NPAS3: variants seen among roughly 807,000 people sequenced by gnomAD.
The protein encoded by NPAS3 is neuronal PAS domain protein 3.
NPAS3 carries 14 observed loss-of-function variants against 73.1 expected under a neutral mutation model. The observed-to-expected ratio is 0.19, with a 90% CI of 0.13 to 0.30. NPAS3 has a LOEUF of 0.30. Among genes scored for constraint, NPAS3 ranks in the 10% least tolerant of loss-of-function variants. NPAS3 has a pLI of 1.00. For synonymous variants in NPAS3, 620 were observed against 541.5 expected (o/e 1.14, Z -2.01); for missense variants, 1,096 against 1,250.0 (o/e 0.88, Z 1.86).
At position 33,676,368 on chromosome 14, in the gene NPAS3, C is replaced by T. The variant is rs765480547; in HGVS notation, c.716C>T (p.Ser239Leu). Residue 239 changes from serine (S) to leucine (L), a missense_variant, in exon 6 of 12, where the codon TCG becomes TTG. Ser to Leu is a moderately radical substitution (Grantham distance 145). This residue lies in a region of NPAS3 where 215 missense variants were observed against 260.0 expected (regional missense o/e 0.83). Transcript: ENST00000356141. ...AGCTCAGCATCTTCCTCCTCTCAGT[C>T]GGAGACCCCCGAGCCAGGTGGGAAT... 4.4e-6 allele frequency: 7 copies of T among 1,579,440 alleles called. No homozygotes were observed. The highest frequency in any genetic ancestry group is 6.0e-6 in the Non-Finnish European group (7 of 1,166,642).
chr14:33,565,944 C>A (rs2055907747), intron 5 of NPAS3, among the ~76,000 whole-genome samples: 1 of 151,910 alleles, frequency 6.6e-6, no homozygotes, highest in East Asian at 1.9e-4. Context: ...GTGACCACCC[C>A]CCTGCCACCC....
intron 3 of NPAS3, among the ~76,000 whole-genome samples, chr14:33,332,040 C>T (rs79266550): frequency 0.014 from 2,140 of 152,228 alleles, 32 homozygotes; most frequent in African/African-American, 0.033. Flanking sequence ...TTTTAGCCTA[C>T]GTTTTTTAGA....
chr14:33,533,500 T>C (rs569728890), intron 4 of NPAS3, among the ~76,000 whole-genome samples: 56 of 152,310 alleles, frequency 3.7e-4, no homozygotes, highest in Non-Finnish European at 7.4e-4. Context: ...GAAACTGACA[T>C]TCCTGTTTGC....
intron 5 of NPAS3, among the ~76,000 whole-genome samples, chr14:33,651,195 C>T (rs998208732): frequency 2.0e-5 from 3 of 152,198 alleles, no homozygotes; most frequent in Non-Finnish European, 4.4e-5. Context: ...CATGCAGTGC[C>T]ATCTTCCTTT....
intron 6 of NPAS3, among the ~76,000 whole-genome samples, chr14:33,678,669 G>C (rs2059840282): frequency 6.6e-6 from 1 of 151,612 alleles, no homozygotes. Context: ...GGTTAAATTT[G>C]GTCTTCTTGG....
chr14:33,495,046 T>C (rs959306858), intron 4 of NPAS3, among the ~76,000 whole-genome samples: 2 of 152,160 alleles, frequency 1.3e-5, no homozygotes, highest in Non-Finnish European at 2.9e-5. Context: ...CTTGCTTCTC[T>C]AGTTCTTTTC....
At chr14:33,726,524 T>TC (rs1255074317) in intron 6 of NPAS3, among the ~76,000 whole-genome samples, 3 of 152,098 alleles carry the variant, frequency 2.0e-5, no homozygotes, top group African/African-American at 7.2e-5. Flanking sequence ...CATGACTTGG[T>TC]CTCCTCTGAG....
chr14:33,474,616 T>A (rs1341277614), intron 4 of NPAS3, among the ~76,000 whole-genome samples: 2 of 152,108 alleles, frequency 1.3e-5, no homozygotes, highest in Non-Finnish European at 2.9e-5. Context: ...TAAAGTTACT[T>A]GTAGAGAGAG....
At chr14:33,784,741 A>ATTTATTTTTATT (rs2063100124) in intron 9 of NPAS3, among the ~76,000 whole-genome samples, 1 of 72,768 alleles carries the variant, frequency 1.4e-5, no homozygotes, top group African/African-American at 6.9e-5. Context: ...TTATTTATTT[A>ATTTATTTTTATT]TTTATTTTTT....
At chr14:33,502,745 C>T in intron 4 of NPAS3, among the ~76,000 whole-genome samples, 1 of 151,962 alleles carries the variant, frequency 6.6e-6, no homozygotes, top group Middle Eastern at 3.2e-3. Context: ...CTAAAACCTT[C>T]TCCTAGTTTC....
intron 6 of NPAS3, 75 bp downstream of exon 6, chr14:33,676,460 T>C (rs2059770272): frequency 1.6e-6 from 2 of 1,288,594 alleles, no homozygotes; most frequent in Non-Finnish European, 2.1e-6. Flanking sequence ...GTTACCCATG[T>C]GAAGAGACTA....
chr14:33,068,480 A>G (rs529621972), intron 2 of NPAS3, among the ~76,000 whole-genome samples: 1 of 152,298 alleles, frequency 6.6e-6, no homozygotes, highest in South Asian at 2.1e-4. Flanking sequence ...ATAACCAGGA[A>G]CTATTGATTG....
intron 4 of NPAS3, among the ~76,000 whole-genome samples, chr14:33,523,078 A>G (rs1411669048): frequency 6.6e-6 from 1 of 152,184 alleles, no homozygotes; most frequent in Non-Finnish European, 1.5e-5. Context: ...AGATAGTTAG[A>G]CAAATACTGT....
chr14:33,250,827 C>G (rs1272959343), intron 3 of NPAS3, among the ~76,000 whole-genome samples: 2 of 151,902 alleles, frequency 1.3e-5, no homozygotes, highest in Non-Finnish European at 2.9e-5. Flanking sequence ...TTTTTCCTCT[C>G]CAAAAATTCA....
intron 4 of NPAS3, among the ~76,000 whole-genome samples, chr14:33,446,150 G>C (rs1051411435): frequency 6.7e-6 from 1 of 149,452 alleles, no homozygotes; most frequent in Non-Finnish European, 1.5e-5. Flanking sequence ...TCTTCTCTAG[G>C]GACACTTCAT....
chr14:33,256,122 T>C (rs1050898766), intron 3 of NPAS3, among the ~76,000 whole-genome samples: 1 of 152,200 alleles, frequency 6.6e-6, no homozygotes, highest in African/African-American at 2.4e-5. Context: ...TTTGTGTAAA[T>C]ATTCATAATT....
At chr14:33,722,898 G>A (rs1458853813) in intron 6 of NPAS3, among the ~76,000 whole-genome samples, 2 of 151,974 alleles carry the variant, frequency 1.3e-5, no homozygotes, top group Non-Finnish European at 2.9e-5. Flanking sequence ...CTGGAATTGA[G>A]CCATAATAAA....
chr14:33,678,708 G>C (rs1378544709), intron 6 of NPAS3, among the ~76,000 whole-genome samples: 2 of 149,104 alleles, frequency 1.3e-5, no homozygotes, highest in Non-Finnish European at 3.0e-5. Context: ...AATTCATACT[G>C]AGTTTGATGT....
At chr14:33,378,195 T>C (rs1051712811) in intron 4 of NPAS3, among the ~76,000 whole-genome samples, 3 of 152,156 alleles carry the variant, frequency 2.0e-5, no homozygotes, top group African/African-American at 7.2e-5. Context: ...AGGTGCCTAG[T>C]TTAGATGAGA....
Sources: gnomAD v4.1 joint callset for allele counts (sites outside exome capture counted in the v4.1 genomes callset) on GRCh38, gnomAD v4.1.1 for gene constraint, gnomAD v4.1.1 regional missense constraint, MANE v1.5 for transcripts, NCBI Gene and HGNC (gene_info 2026-07-23, HGNC 2026-07-21) for gene names.